Variants in ZNF608 observed in about 807,000 individuals in gnomAD.
ZNF608 encodes the protein renal carcinoma antigen NY-REN-36.
In ZNF608, 12 loss-of-function variants were observed where a neutral mutation model predicts 109.0. That is an observed-to-expected ratio of 0.11 (90% CI 0.07 to 0.18). The LOEUF (loss-of-function observed/expected upper bound fraction) is 0.18, where lower values mean the gene tolerates loss of function less well. Among genes scored for constraint, ZNF608 ranks in the 10% least tolerant of loss-of-function variants. ZNF608 has a pLI of 1.00. For missense variants in ZNF608, 1,707 were observed against 1,879.3 expected (o/e 0.91, Z 1.70); for synonymous variants, 732 against 717.4 (o/e 1.02, Z -0.33).
chr5:124,719,310 G>A (rs1361535378), intron 2 of ZNF608, among the ~76,000 whole-genome samples: 1 of 152,180 alleles, frequency 6.6e-6, no homozygotes, highest in Non-Finnish European at 1.5e-5. Flanking sequence ...CTATATTTTT[G>A]TAAATGATCA....
chr5:124,706,110 T>C (rs1249931933), intron 2 of ZNF608, among the ~76,000 whole-genome samples: 1 of 152,192 alleles, frequency 6.6e-6, no homozygotes, highest in African/African-American at 2.4e-5. Context: ...ACTTTCATGG[T>C]GGCCTGAGAG....
chr5:124,638,962 T>C lies in ZNF608; in HGVS notation c.4532+171A>G, dbSNP rs1438113214. On this transcript the variant is annotated intron_variant, in intron 9 of 9. Coordinates refer to ENST00000513986, the MANE Select transcript of ZNF608 (RefSeq NM_020747.3). ...TGTAACCCTTACAGAATGAGGTTCA[T>C]GGAATTTAAGTTGCATGTGAAGCAA... The C allele has an allele frequency of 1.6e-5, 13 of 820,368 alleles. No homozygotes were observed. The Admixed American group carries it at 3.6e-4, about 23-fold the overall frequency. 50.8% of individuals were successfully genotyped at this position (820,368 alleles called of 1,614,324 possible). A position where few individuals can be genotyped will look rare whatever the true frequency, so the allele number is the denominator to read the frequency against.
At chr5:124,655,674 C>G (rs954177689) in intron 3 of ZNF608, among the ~76,000 whole-genome samples, 4 of 151,910 alleles carry the variant, frequency 2.6e-5, no homozygotes, top group Non-Finnish European at 5.9e-5. Context: ...ATCATATTAC[C>G]CTCCATTTTT....
chr5:124,715,020 T>A (rs1268700198), intron 2 of ZNF608, among the ~76,000 whole-genome samples: 3 of 152,182 alleles, frequency 2.0e-5, no homozygotes, highest in East Asian at 3.8e-4. Context: ...ATCTTCTGCT[T>A]CTAGTGTTAA....
intron 3 of ZNF608, among the ~76,000 whole-genome samples, chr5:124,677,107 TA>T (rs1368011540): frequency 6.6e-6 from 1 of 152,214 alleles, no homozygotes; most frequent in East Asian, 1.9e-4. Flanking sequence ...ATTTAATGTT[TA>T]ATAAGACAAG....
At chr5:124,666,709 C>CTGTGTG (rs10546271) in intron 3 of ZNF608, among the ~76,000 whole-genome samples, 77 of 141,054 alleles carry the variant, frequency 5.5e-4, no homozygotes, top group South Asian at 1.7e-3. Flanking sequence ...TGGGTTTGCT[C>CTGTGTG]TGTGTGTGTG....
chr5:124,734,461 T>G (rs550616655), intron 2 of ZNF608, among the ~76,000 whole-genome samples: 1 of 152,282 alleles, frequency 6.6e-6, no homozygotes, highest in East Asian at 1.9e-4. Flanking sequence ...ATGATCACCC[T>G]CTATACAGAA....
At chr5:124,741,480 T>C (rs1174587794) in intron 2 of ZNF608, among the ~76,000 whole-genome samples, 1 of 150,982 alleles carries the variant, frequency 6.6e-6, no homozygotes, top group East Asian at 1.9e-4. Flanking sequence ...GAGCCACATC[T>C]GATTGCTGAA....
rs564972186 is a variant in ZNF608 at position 124,712,405 on chromosome 5, G to A, written c.907-11136C>T. ...ATTCTAGATCATCTCTGTGACCCCT[G>A]GCAGAAAGAAAGTAATGAAGCCAGT... On this transcript the variant is annotated intron_variant, in intron 2 of 9. Transcript: ENST00000513986. 3.9e-5 allele frequency among the ~76,000 whole-genome samples: 6 copies of A among 152,258 alleles called. No individual in the cohort carries two copies. In the East Asian group the frequency reaches 1.2e-3, roughly 29 times the overall value.
chr5:124,668,833 G>C (rs1209368107), intron 3 of ZNF608, among the ~76,000 whole-genome samples: 1 of 152,166 alleles, frequency 6.6e-6, no homozygotes, highest in Admixed American at 6.5e-5. Flanking sequence ...CTTGAGGTCT[G>C]GGTAAAGAAG....
At chr5:124,714,173 CCCA>C (rs1203223757) in intron 2 of ZNF608, among the ~76,000 whole-genome samples, 10 of 152,088 alleles carry the variant, frequency 6.6e-5, no homozygotes, top group African/African-American at 2.4e-4. Context: ...CGTCTCTATT[CCCA>C]AAAGAAGAAA....
intron 2 of ZNF608, among the ~76,000 whole-genome samples, chr5:124,707,309 G>A (rs1437397697): frequency 3.3e-5 from 5 of 152,080 alleles, no homozygotes; most frequent in Admixed American, 1.3e-4. Context: ...AGGAGAAGGC[G>A]AAACCCAGGA....
In ZNF608 at chr5:124,744,080, C is replaced by T. The variant is rs1025044324; in HGVS notation, c.906+4G>A. The T allele has an allele frequency of 3.2e-6, 5 of 1,576,428 alleles. No homozygotes were observed. The highest frequency in any genetic ancestry group is 1.4e-5 in the African/African-American group (1 of 73,848). On this transcript the variant is annotated splice_donor_region_variant and intron_variant, in intron 2 of 9. Transcript: ENST00000513986. This position sits in a 1 kb window ranked among gnomAD's most constrained non-coding sequence, Gnocchi z 4.5. ...GGACATCTAGGAAGGCGACTTTATC[C>T]TACCTTCTCAGTTTTCAGTTTCTTG...
intron 2 of ZNF608, among the ~76,000 whole-genome samples, chr5:124,715,598 T>A (rs1267217040): frequency 6.6e-6 from 1 of 152,170 alleles, no homozygotes; most frequent in Non-Finnish European, 1.5e-5. Context: ...TCTTCTAAAA[T>A]TAAAAAATGC....
rs763760291 is a variant in ZNF608, at chr5:124,641,330, G to A, written c.4372C>T (p.Arg1458Trp). Residue 1458 changes from arginine (R) to tryptophan (W), a missense_variant, in exon 8 of 10, where the codon CGG becomes TGG. Arg to Trp is a moderately radical substitution (Grantham distance 101, BLOSUM62 -3). Coordinates refer to ENST00000513986, the MANE Select transcript of ZNF608 (RefSeq NM_020747.3). ...ERDRHSPFGQ[R>W]HLHTHHHTHV... ...GTGTGGTGGTGCGTGTGCAGGTGCC[G>A]CTGGCCGAAGGGGGAGTGGCGATCC... The A allele has an allele frequency of 1.9e-6, 3 of 1,613,932 alleles. No individual in the cohort carries two copies. The highest frequency in any genetic ancestry group is 2.5e-6 in the Non-Finnish European group (3 of 1,179,998).
chr5:124,638,870 A>T, intron 9 of ZNF608: 1 of 1,066,016 alleles, frequency 9.4e-7, no homozygotes, highest in Non-Finnish European at 1.2e-6. Flanking sequence ...TTATTTTAGA[A>T]ATGCCGTAAG....
At chr5:124,707,796 T>G (rs1753320963) in intron 2 of ZNF608, 1 of 152,224 alleles carries the variant, frequency 6.6e-6, no homozygotes, top group African/African-American at 2.4e-5. Context: ...TTTCCTTAAA[T>G]TAGGCACTGA....
At chr5:124,656,370 T>A (rs1181057056) in intron 3 of ZNF608, among the ~76,000 whole-genome samples, 2 of 152,168 alleles carry the variant, frequency 1.3e-5, no homozygotes, top group Non-Finnish European at 2.9e-5. Context: ...TTTGGATAGA[T>A]CTTCTCTGTC....
intron 3 of ZNF608, among the ~76,000 whole-genome samples, chr5:124,698,548 CTGTACGAA>C (rs1320819852): frequency 3.3e-5 from 5 of 152,212 alleles, no homozygotes; most frequent in African/African-American, 1.2e-4. Context: ...TATCAGTCCG[CTGTACGAA>C]TGTACAAAGA....
Sources: gnomAD v4.1 joint callset for allele counts (sites outside exome capture counted in the v4.1 genomes callset) on GRCh38, gnomAD v4.1.1 for gene constraint, Gnocchi (gnomAD v3.1) non-coding constraint, MANE v1.5 for transcripts, NCBI Gene and HGNC (gene_info 2026-07-23, HGNC 2026-07-21) for gene names.